The following NCR1 variants were observed in gnomAD, a reference collection of about 807,000 sequenced individuals.
NCR1 encodes the protein natural cytotoxicity triggering receptor 1.
In NCR1, 30 loss-of-function variants were observed where a neutral mutation model predicts 32.5. The observed-to-expected ratio is 0.92, with a 90% CI of 0.69 to 1.25. The LOEUF (loss-of-function observed/expected upper bound fraction) is 1.25, where lower values mean the gene tolerates loss of function less well. Among genes scored for constraint, NCR1 ranks in the 50% most tolerant of loss-of-function variants. The pLI, the probability that NCR1 is intolerant of heterozygous loss-of-function variation, is 0.00. For missense variants in NCR1, 369 were observed against 380.7 expected (o/e 0.97, Z 0.26); for synonymous variants, 169 against 143.4 (o/e 1.18, Z -1.28).
the NCR1 span, among the ~76,000 whole-genome samples, chr19:54,932,964 A>G: frequency 6.6e-6 from 1 of 152,178 alleles, no homozygotes; most frequent in East Asian, 1.9e-4. Context: ...CACTGGCCCT[A>G]CCACATAACT....
downstream of NCR1, among the ~76,000 whole-genome samples, chr19:54,919,645 A>C (rs2068203796): frequency 6.6e-6 from 1 of 150,742 alleles, no homozygotes. Flanking sequence ...GGCGAGCCTG[A>C]CTGATGTCAG....
the NCR1 span, chr19:54,927,632 T>C: frequency 6.2e-7 from 1 of 1,614,178 alleles, no homozygotes; most frequent in East Asian, 2.2e-5. Context: ...TCCAGTTCTT[T>C]GTCTTAGAAC....
At chr19:54,914,215 C>CTT (rs373431642), downstream of NCR1, among the ~76,000 whole-genome samples, 12 of 122,470 alleles carry the variant, frequency 9.8e-5, no homozygotes, top group South Asian at 5.2e-4. Flanking sequence ...CAGAATTTCA[C>CTT]TTTTTTTTTT....
intron 5 of NCR1, among the ~76,000 whole-genome samples, chr19:54,911,350 A>G (rs1169113922): frequency 2.3e-4 from 32 of 138,006 alleles, no homozygotes; most frequent in Non-Finnish European, 3.6e-4. Flanking sequence ...CTCCGTCTCA[A>G]AAAAAAAGAA....
At chr19:54,927,648 A>G in the NCR1 span, 1 of 1,614,156 alleles carries the variant, frequency 6.2e-7, no homozygotes, top group East Asian at 2.2e-5. Context: ...AGAACCCCAA[A>G]GAGCTTAATT....
chr19:54,908,170 A>G (rs1476710179), intron 3 of NCR1, among the ~76,000 whole-genome samples: 1 of 152,020 alleles, frequency 6.6e-6, no homozygotes, highest in Admixed American at 6.6e-5. Flanking sequence ...GGTACTTGAG[A>G]TTAGGGAGTG....
chr19:54,906,631 T>A lies in NCR1; in HGVS notation c.179T>A (p.Leu60Gln). The A allele has an allele frequency of 6.2e-7, 1 of 1,614,238 alleles. No individual in the cohort carries two copies. The highest frequency in any genetic ancestry group is 8.5e-7 in the Non-Finnish European group (1 of 1,180,038). Residue 60 changes from leucine (L) to glutamine (Q), a missense_variant, in exon 3 of 7, where the codon CTG (leucine) becomes CAG (glutamine). Physicochemically the swap from Leu to Gln is moderately radical, Grantham distance 113 (BLOSUM62 -2). Transcript: ENST00000291890. ...QGNYGAVEYQ[L>Q]HFEGSLFAVD... ...AATTATGGGGCTGTTGAATACCAGC[T>A]GCACTTTGAAGGAAGCCTTTTTGCC...
chr19:54,899,172 T>C, the NCR1 span, among the ~76,000 whole-genome samples: 3 of 152,152 alleles, frequency 2.0e-5, no homozygotes, highest in Non-Finnish European at 4.4e-5. Flanking sequence ...TTGCCCATTT[T>C]ACAACAAGAA....
Position 54,906,984 on chromosome 19 carries a change from T to C in NCR1, c.355+177T>C, listed in dbSNP as rs181311108. Reference sequence around the variant, plus strand: ...AGGGGTTGTCTGCAGACCGTGTCTCTACGTCCTAGGAGCAGATGTGTCCTC... The same window carrying C: ...AGGGGTTGTCTGCAGACCGTGTCTCCACGTCCTAGGAGCAGATGTGTCCTC... On this transcript the variant is annotated intron_variant, in intron 3 of 6. Coordinates refer to ENST00000291890, the MANE Select transcript of NCR1 (RefSeq NM_004829.7). Among the ~76,000 whole-genome samples the C allele has an allele frequency of 2.0e-4, 31 of 152,302 alleles. No homozygotes were observed. The East Asian group carries it at 5.0e-3, about 25-fold the overall frequency.
the NCR1 span, chr19:54,933,724 A>T: frequency 1.2e-6 from 2 of 1,614,160 alleles, no homozygotes; most frequent in Non-Finnish European, 1.7e-6. Flanking sequence ...CTTCTGTAAG[A>T]CGACAGTTTT....
upstream of NCR1, among the ~76,000 whole-genome samples, chr19:54,903,448 A>T (rs962259737): frequency 8.5e-6 from 1 of 117,668 alleles, no homozygotes; most frequent in Admixed American, 1.0e-4. Context: ...ACATGTATGT[A>T]TATACATATA....
At chr19:54,916,047 C>T (rs1012813179), downstream of NCR1, 3 of 150,826 alleles carry the variant, frequency 2.0e-5, no homozygotes, top group African/African-American at 7.3e-5. Context: ...CAAAGTACAG[C>T]GAGCTGATGC....
chr19:54,922,817 G>A, the NCR1 span, among the ~76,000 whole-genome samples: 1 of 142,848 alleles, frequency 7.0e-6, no homozygotes, highest in Non-Finnish European at 1.5e-5. Flanking sequence ...AGAACAGAGA[G>A]ACACATACAA....
the NCR1 span, chr19:54,923,596 CAA>C: frequency 1.0e-6 from 1 of 960,936 alleles, no homozygotes; most frequent in East Asian, 2.4e-5. Flanking sequence ...CAGAATCTCC[CAA>C]AAATAGTGAG....
chr19:54,920,351 C>T (rs1314849839), downstream of NCR1, among the ~76,000 whole-genome samples: 1 of 152,124 alleles, frequency 6.6e-6, no homozygotes, highest in Non-Finnish European at 1.5e-5. Flanking sequence ...TCCAGGGGTG[C>T]TGCTATACAT....
At chr19:54,903,287 T>C (rs147492703), upstream of NCR1, among the ~76,000 whole-genome samples, 17 of 146,524 alleles carry the variant, frequency 1.2e-4, 2 homozygotes, top group East Asian at 3.4e-3. Flanking sequence ...TGTATATACA[T>C]ATATACACAT....
chr19:54,912,715 C>G lies in NCR1; in HGVS notation c.759C>G (p.Ala253=), dbSNP rs1383281991. 1 of 1,613,472 alleles carries G rather than the reference C, an allele frequency of 6.2e-7. No individual in the cohort carries two copies. The highest frequency in any genetic ancestry group is 1.1e-5 in the South Asian group (1 of 91,056). Residue 253 remains alanine, a synonymous_variant, in exon 7 of 7, where the codon GCC becomes GCG. Coordinates refer to ENST00000291890, the MANE Select transcript of NCR1 (RefSeq NM_004829.7). ...QKDHALWDHT[A]QNLLRMGLAF... is the part of the protein sequence containing the mutation. Reference sequence around the variant, plus strand: ...ACCATGCCCTCTGGGATCACACTGCCCAGAATCTCCTTCGGATGGGCCTGG... The same window carrying G: ...ACCATGCCCTCTGGGATCACACTGCGCAGAATCTCCTTCGGATGGGCCTGG...
upstream of NCR1, among the ~76,000 whole-genome samples, chr19:54,901,632 A>G (rs2146002276): frequency 6.6e-6 from 1 of 152,166 alleles, no homozygotes; most frequent in East Asian, 1.9e-4. Context: ...AAAGGATGCT[A>G]GTGGAAAAAC....
upstream of NCR1, among the ~76,000 whole-genome samples, chr19:54,903,574 A>G (rs587680631): frequency 2.6e-4 from 39 of 148,152 alleles, 1 homozygote; most frequent in African/African-American, 9.5e-4. Flanking sequence ...ATATGTGTAT[A>G]TATACGCATA....
Sources: allele counts gnomAD v4.1 joint callset (sites outside exome capture counted in the v4.1 genomes callset), GRCh38; gene constraint gnomAD v4.1.1; transcripts MANE v1.5; gene names NCBI Gene and HGNC (gene_info 2026-07-23, HGNC 2026-07-21).